SCHIP1: variants seen among roughly 807,000 people sequenced by gnomAD.
SCHIP1 encodes schwannomin-interacting protein 1.
In SCHIP1, 8 loss-of-function variants were observed where a neutral mutation model predicts 29.7. That is an observed-to-expected ratio of 0.27 (90% CI 0.16 to 0.49). The LOEUF (loss-of-function observed/expected upper bound fraction) is 0.49. Ranked by LOEUF, SCHIP1 falls within the 20% of genes least tolerant of loss-of-function variation. The pLI is 0.99. For synonymous variants in SCHIP1, 76 were observed against 94.9 expected, an observed-to-expected ratio of 0.80 and a Z score of 1.16; for missense variants, 193 against 294.6, an observed-to-expected ratio of 0.66 and a Z score of 2.52.
chr3:159,423,429 C>T, the SCHIP1 span, among the ~76,000 whole-genome samples: 1 of 152,232 alleles, frequency 6.6e-6, no homozygotes, highest in African/African-American at 2.4e-5. Context: ...TCAGAGGGTC[C>T]TATGCCCACG....
the SCHIP1 span, among the ~76,000 whole-genome samples, chr3:159,438,218 T>C: frequency 2.6e-5 from 4 of 152,124 alleles, no homozygotes; most frequent in African/African-American, 9.7e-5. Context: ...AAATGGGGTA[T>C]AGGGCTGGGA....
At chr3:159,646,378 T>A in the SCHIP1 span, among the ~76,000 whole-genome samples, 1 of 152,154 alleles carries the variant, frequency 6.6e-6, no homozygotes, top group Non-Finnish European at 1.5e-5. Flanking sequence ...TTACCACTTC[T>A]GGCTCTCTAC....
the SCHIP1 span, among the ~76,000 whole-genome samples, chr3:159,321,635 T>C: frequency 2.0e-5 from 3 of 152,138 alleles, no homozygotes; most frequent in Admixed American, 6.5e-5. Flanking sequence ...TACATATGTA[T>C]ACATGTGCCA....
the SCHIP1 span, among the ~76,000 whole-genome samples, chr3:159,433,978 C>G: frequency 2.2e-4 from 34 of 152,292 alleles, no homozygotes; most frequent in African/African-American, 8.2e-4. Context: ...TAGTACTTGT[C>G]ACACTGTATC....
At chr3:159,506,409 T>C in the SCHIP1 span, among the ~76,000 whole-genome samples, 712 of 152,344 alleles carry the variant, frequency 4.7e-3, 14 homozygotes, top group Non-Finnish European at 2.7e-3. Flanking sequence ...TCTCCCATTC[T>C]GTAGGTTGCC....
the SCHIP1 span, among the ~76,000 whole-genome samples, chr3:159,777,271 T>C: frequency 6.6e-6 from 1 of 152,328 alleles, no homozygotes; most frequent in African/African-American, 2.4e-5. Flanking sequence ...ATGTCTTACC[T>C]GAAATGAGGA....
the SCHIP1 span, among the ~76,000 whole-genome samples, chr3:159,669,986 G>T: frequency 6.6e-6 from 1 of 152,156 alleles, no homozygotes; most frequent in Non-Finnish European, 1.5e-5. Context: ...TTGGTAAGGG[G>T]CTCTCTAATG....
chr3:159,828,360 T>TA, the SCHIP1 span, among the ~76,000 whole-genome samples: 1 of 110,886 alleles, frequency 9.0e-6, no homozygotes, highest in African/African-American at 3.7e-5. Flanking sequence ...TAGTGTAACC[T>TA]TTATATATAT....
chr3:159,809,868 A>C, the SCHIP1 span, among the ~76,000 whole-genome samples: 3 of 151,876 alleles, frequency 2.0e-5, no homozygotes, highest in African/African-American at 7.3e-5. Flanking sequence ...GGGGCATGCA[A>C]ATGTAGTCCC....
At chr3:159,524,628 G>C in the SCHIP1 span, among the ~76,000 whole-genome samples, 1 of 152,194 alleles carries the variant, frequency 6.6e-6, no homozygotes, top group Non-Finnish European at 1.5e-5. Context: ...CCAGGCTTCT[G>C]TAAGGGATAG....
chr3:159,405,321 G>A, the SCHIP1 span, among the ~76,000 whole-genome samples: 1 of 152,208 alleles, frequency 6.6e-6, no homozygotes, highest in East Asian at 1.9e-4. Flanking sequence ...ACCAATCCTG[G>A]AGAGATAGAG....
the SCHIP1 span, among the ~76,000 whole-genome samples, chr3:159,293,812 A>C: frequency 6.6e-6 from 1 of 152,102 alleles, no homozygotes; most frequent in South Asian, 2.1e-4. Context: ...TCTCTCTCGG[A>C]GGTGGAAGGG....
At chr3:159,494,712 C>G in the SCHIP1 span, among the ~76,000 whole-genome samples, 1 of 152,138 alleles carries the variant, frequency 6.6e-6, no homozygotes, top group Admixed American at 6.5e-5. Context: ...TGAAACTATT[C>G]CAATCAATAG....
the SCHIP1 span, among the ~76,000 whole-genome samples, chr3:159,568,571 T>C: frequency 3.3e-5 from 5 of 152,270 alleles, no homozygotes; most frequent in South Asian, 8.3e-4. Context: ...TAAATTTAAC[T>C]GTCTTGATGC....
At chr3:159,346,201 G>GA in the SCHIP1 span, among the ~76,000 whole-genome samples, 1 of 99,272 alleles carries the variant, frequency 1.0e-5, no homozygotes, top group East Asian at 3.0e-4. Flanking sequence ...AAAAAAAAAA[G>GA]AAAAAAGAAA....
the SCHIP1 span, among the ~76,000 whole-genome samples, chr3:159,361,614 C>A: frequency 6.6e-6 from 1 of 152,152 alleles, no homozygotes; most frequent in South Asian, 2.1e-4. Flanking sequence ...ACCTTTCTGG[C>A]AAGTGTTTGG....
chr3:159,280,103 T>A, the SCHIP1 span, among the ~76,000 whole-genome samples: 1 of 152,086 alleles, frequency 6.6e-6, no homozygotes, highest in Non-Finnish European at 1.5e-5. Context: ...ATTCTGTAAT[T>A]ATGAGAGGGT....
chr3:159,737,220 C>A, the SCHIP1 span, among the ~76,000 whole-genome samples: 1 of 152,138 alleles, frequency 6.6e-6, no homozygotes, highest in African/African-American at 2.4e-5. Context: ...TCTCCCCTGA[C>A]TTTATCACTT....
chr3:159,327,532 GTAA>G, the SCHIP1 span, among the ~76,000 whole-genome samples: 1 of 152,212 alleles, frequency 6.6e-6, no homozygotes, highest in African/African-American at 2.4e-5. Flanking sequence ...AAGAGTCCTA[GTAA>G]TATGTTGGTA....
Sources: allele counts gnomAD v4.1 joint callset (sites outside exome capture counted in the v4.1 genomes callset), GRCh38; gene constraint gnomAD v4.1.1; transcripts MANE v1.5; gene names NCBI Gene and HGNC (gene_info 2026-07-23, HGNC 2026-07-21).